Variants in LRRK1 observed in about 807,000 individuals in gnomAD.
LRRK1 encodes the protein leucine-rich repeat serine/threonine-protein kinase 1.
In LRRK1, 113 loss-of-function variants were observed where a neutral mutation model predicts 209.1. The observed-to-expected ratio is 0.54, with a 90% CI of 0.46 to 0.63. LRRK1 has a LOEUF of 0.63. LRRK1 is among the 30% of genes least tolerant of loss of function. The pLI is 0.00. For missense variants in LRRK1, 2,284 were observed against 2,632.2 expected (o/e 0.87, Z 2.89); for synonymous variants, 1,144 against 1,099.7 (o/e 1.04, Z -0.80).
chr15:101,053,529 C>G, intron 26 of LRRK1, 109 bp downstream of exon 26: 1 of 956,432 alleles, frequency 1.0e-6, no homozygotes, highest in Non-Finnish European at 1.5e-6. Flanking sequence ...GCCCAGGGCA[C>G]GCCCAACCCA....
At chr15:101,058,167 C>A in intron 29 of LRRK1, 26 bp downstream of exon 29, 1 of 1,610,374 alleles carries the variant, frequency 6.2e-7, no homozygotes, top group South Asian at 1.1e-5. Context: ...CTGCCCTGCC[C>A]CCTTTGTATT....
In LRRK1 at chr15:100,942,111, C is replaced by CCTA. The variant is rs374238283; in HGVS notation, c.97+17385_97+17387dup. Among the ~76,000 whole-genome samples, 317 of 152,342 alleles carry CCTA rather than the reference C, an allele frequency of 2.1e-3. 2 individuals are homozygous for CCTA. The highest frequency in any genetic ancestry group is 7.2e-3 in the African/African-American group (300 of 41,574). ...AGGTGGTGGCTGCAGCCGGGCTCAGCCTACTGTCTTGATCTCATCTTCCAG... is the reference window on the plus strand; with the variant it reads ...AGGTGGTGGCTGCAGCCGGGCTCAGCCTACTACTGTCTTGATCTCATCTTCCAG... On this transcript the variant is annotated intron_variant, in intron 2 of 33. Transcript: ENST00000388948.
rs1596143115 is a variant in LRRK1, at chr15:100,919,734, C to G, written c.-123+283C>G. Among the ~76,000 whole-genome samples, 2 of 151,814 alleles carry G rather than the reference C, an allele frequency of 1.3e-5. No homozygotes were observed. The highest frequency in any genetic ancestry group is 4.8e-5 in the African/African-American group (2 of 41,356). On this transcript the variant is annotated intron_variant, in intron 1 of 33. Coordinates refer to ENST00000388948, the MANE Select transcript of LRRK1 (RefSeq NM_024652.6). This position sits in a 1 kb window ranked among gnomAD's most constrained non-coding sequence, Gnocchi z 5.8. ...GCCTGTGGGAGGGGAGCGCGCGGGG[C>G]CCGAGCAGGGAACCCCGAAACCCCG...
rs116132583 is a variant in LRRK1 at position 101,069,850 on chromosome 15, C to T, written c.*1002C>T. The T allele has an allele frequency of 7.2e-5, 11 of 152,538 alleles. No homozygotes were observed. Among genetic ancestry groups the T allele is most frequent in the African/African-American group, 2.6e-4 (11 of 41,560 alleles). 9.4% of individuals were successfully genotyped at this position (152,538 alleles called of 1,614,324 possible). ...CACAGGGGATTTATGGATACAACAG[C>T]AAACATTTTATAAACTATGCACATG... On this transcript the variant is annotated 3_prime_UTR_variant, in exon 34 of 34. Transcript: ENST00000388948.
chr15:101,062,756 T>C, intron 31 of LRRK1, 66 bp downstream of exon 31: 1 of 1,185,692 alleles, frequency 8.4e-7, no homozygotes, highest in Admixed American at 1.7e-5. Context: ...AGGCGTCTCC[T>C]AGCTATGTCA....
intron 27 of LRRK1, among the ~76,000 whole-genome samples, chr15:101,055,973 G>A (rs1269461949): frequency 6.6e-6 from 1 of 152,180 alleles, no homozygotes; most frequent in Non-Finnish European, 1.5e-5. Flanking sequence ...GTATGGATTA[G>A]CTCAGCACCT....
intron 10 of LRRK1, among the ~76,000 whole-genome samples, chr15:101,013,824 G>A (rs558064252): frequency 7.9e-4 from 120 of 152,106 alleles, no homozygotes; most frequent in African/African-American, 2.6e-3. Flanking sequence ...GAGGGCATGC[G>A]GCTAGGACAG....
chr15:101,016,125 G>T (rs2033527949), intron 12 of LRRK1, among the ~76,000 whole-genome samples: 1 of 151,952 alleles, frequency 6.6e-6, no homozygotes, highest in Admixed American at 6.6e-5. Context: ...AAGTAGCTGG[G>T]ATTACAGGCA....
rs1462868549 is a variant in LRRK1 at position 101,072,208 on chromosome 15, C to A, written c.*3360C>A. On this transcript the variant is annotated 3_prime_UTR_variant, in exon 34 of 34. Coordinates refer to ENST00000388948, the MANE Select transcript of LRRK1 (RefSeq NM_024652.6). ...CCAAAATTTCAAATGCACATACCCT[C>A]TGACCCAGCAGTTCCACTTAAGTAT... 1 of 152,260 alleles carries A rather than the reference C, an allele frequency of 6.6e-6. No homozygotes were observed. The highest frequency in any genetic ancestry group is 6.5e-5 in the Admixed American group (1 of 15,286). 9.4% of individuals were successfully genotyped at this position (152,260 alleles called of 1,614,324 possible). A position where few individuals can be genotyped will look rare whatever the true frequency, so the allele number is the denominator to read the frequency against.
chr15:100,935,593 C>A (rs776274030), intron 2 of LRRK1, among the ~76,000 whole-genome samples: 1 of 152,080 alleles, frequency 6.6e-6, no homozygotes, highest in Non-Finnish European at 1.5e-5. Context: ...ATTGCCAGAG[C>A]CCTGGAGAGA....
intron 2 of LRRK1, among the ~76,000 whole-genome samples, chr15:100,925,512 C>G (rs2042094333): frequency 6.6e-6 from 1 of 152,148 alleles, no homozygotes; most frequent in African/African-American, 2.4e-5. Context: ...TCTCTTCATA[C>G]CTGGTTTCAA....
In LRRK1 at chr15:101,027,819, G is replaced by T; in HGVS notation, c.2686+22G>T. On this transcript the variant is annotated intron_variant, in intron 19 of 33. Coordinates refer to ENST00000388948, the MANE Select transcript of LRRK1 (RefSeq NM_024652.6). The surrounding 1 kb of genome is among the most constrained non-coding windows in gnomAD (Gnocchi z 5.1). ...TCAGGTGGGTGGGGCTGGGGTAGGTGGCAGGGTGCCCGTGAGAAATGGAAC... is the reference window on the plus strand; with the variant it reads ...TCAGGTGGGTGGGGCTGGGGTAGGTTGCAGGGTGCCCGTGAGAAATGGAAC... The T allele has an allele frequency of 6.5e-7, 1 of 1,549,496 alleles. No homozygotes were observed. The highest frequency in any genetic ancestry group is 1.2e-5 in the South Asian group (1 of 83,240).
intron 19 of LRRK1, among the ~76,000 whole-genome samples, chr15:101,028,072 G>A (rs1291114685): frequency 6.6e-6 from 1 of 152,084 alleles, no homozygotes; most frequent in Non-Finnish European, 1.5e-5. Context: ...TATTCAGTCA[G>A]GGAGACAGAG....
intron 20 of LRRK1, among the ~76,000 whole-genome samples, chr15:101,045,515 A>C (rs2035023071): frequency 6.6e-6 from 1 of 152,184 alleles, no homozygotes; most frequent in Non-Finnish European, 1.5e-5. Flanking sequence ...ACGGGCCAAG[A>C]ATAATAAATA....
chr15:100,956,455 C>CTTTTTCTTTTCTTTTTTTT lies in LRRK1; in HGVS notation c.98-17344_98-17343insCTTTTCTTTTTTTTTTTTT. On this transcript the variant is annotated intron_variant, in intron 2 of 33. Transcript: ENST00000388948. ...TTCGCTTTTCTTTCCTTTTTTTTTT[C>CTTTTTCTTTTCTTTTTTTT]TTTTTTTTTTTTTTTTTTGAGACAG... Among the ~76,000 whole-genome samples, 44 of 60,518 alleles carry CTTTTTCTTTTCTTTTTTTT rather than the reference C, an allele frequency of 7.3e-4. 5 individuals carry two copies. Among genetic ancestry groups the CTTTTTCTTTTCTTTTTTTT allele is most frequent in the African/African-American group, 1.3e-3 (15 of 11,720 alleles). 39.7% of individuals were successfully genotyped at this position (60,518 alleles called of 152,430 possible).
At position 101,046,115 on chromosome 15, in the gene LRRK1, C is replaced by T; in HGVS notation, c.3098C>T (p.Ala1033Val). 6.2e-7 allele frequency: 1 copy of T among 1,614,254 alleles called. No individual in the cohort carries two copies. Among genetic ancestry groups the T allele is most frequent in the Non-Finnish European group, 8.5e-7 (1 of 1,180,048 alleles). Residue 1033 changes from alanine to valine, a missense_variant, in exon 21 of 34, where the codon GCA becomes GTA. Physicochemically the swap from Ala to Val is moderately conservative, Grantham distance 64. This residue lies in a region of LRRK1 where 780 missense variants were observed against 985.2 expected (regional missense o/e 0.79). Transcript: ENST00000388948. ...VPVGFWQRFI[A>V]RMLISLAEMD... ...GTTGGCTTCTGGCAAAGGTTTATAG[C>T]ACGGATGCTGATCAGCCTGGCGGAG...
intron 4 of LRRK1, among the ~76,000 whole-genome samples, chr15:100,986,270 G>A (rs907048017): frequency 1.3e-5 from 2 of 151,896 alleles, no homozygotes; most frequent in African/African-American, 4.8e-5. Flanking sequence ...AGGGATGAGA[G>A]GTTGATGGGA....
intron 2 of LRRK1, among the ~76,000 whole-genome samples, chr15:100,970,045 C>A (rs775161504): frequency 6.6e-6 from 1 of 152,114 alleles, no homozygotes; most frequent in African/African-American, 2.4e-5. Flanking sequence ...CCCACCACCA[C>A]GCTGGGCTAA....
intron 2 of LRRK1, among the ~76,000 whole-genome samples, chr15:100,942,622 A>G (rs955415881): frequency 6.6e-6 from 1 of 152,268 alleles, no homozygotes. Context: ...TGTTTAATTA[A>G]CATTTTAAAT....
Sources: gnomAD v4.1 joint callset for allele counts (sites outside exome capture counted in the v4.1 genomes callset) on GRCh38, gnomAD v4.1.1 for gene constraint, gnomAD v4.1.1 regional missense constraint, Gnocchi (gnomAD v3.1) non-coding constraint, MANE v1.5 for transcripts, NCBI Gene and HGNC (gene_info 2026-07-23, HGNC 2026-07-21) for gene names.